Variants in HIF3A observed in about 807,000 individuals in gnomAD.
HIF3A encodes the protein hypoxia inducible factor 3 subunit alpha, also known as hypoxia-inducible factor 3-alpha.
In HIF3A, 41 loss-of-function variants were observed where a neutral mutation model predicts 67.2. The ratio of observed to expected loss-of-function variants is 0.61; its 90% CI spans 0.48 to 0.79. HIF3A has a LOEUF of 0.79. HIF3A is among the 30% of genes least tolerant of loss of function. HIF3A has a pLI of 0.00. For synonymous variants in HIF3A, 356 were observed against 374.8 expected (o/e 0.95, Z 0.58); for missense variants, 855 against 898.0 (o/e 0.95, Z 0.61).
chr19:46,300,456 T>C (rs1968225381), intron 1 of HIF3A, among the ~76,000 whole-genome samples: 1 of 152,042 alleles, frequency 6.6e-6, no homozygotes, highest in Admixed American at 6.6e-5. Flanking sequence ...AGGTCAGGAG[T>C]TCGAGACCAG....
In HIF3A at chr19:46,343,347, A is replaced by AT. The variant is rs1368165573; in HGVS notation, c.*3725_*3726insT. The AT allele has an allele frequency of 6.6e-6, 1 of 152,628 alleles. No homozygotes were observed. The highest frequency in any genetic ancestry group is 6.6e-5 in the Admixed American group (1 of 15,254). The allele number at this position is 152,628 out of a possible 1,614,324, so 9.5% of individuals were successfully genotyped here. On this transcript the variant is annotated 3_prime_UTR_variant, in exon 15 of 15. Coordinates refer to ENST00000377670, the MANE Select transcript of HIF3A (RefSeq NM_152795.4). ...TGGAGGGAATTGTGCTGGGCTAGGGAAAGGGGAGGGACTAGACTGGCCACA... is the reference window on the plus strand; with the variant it reads ...TGGAGGGAATTGTGCTGGGCTAGGGATAAGGGGAGGGACTAGACTGGCCACA...
At chr19:46,310,286 G>A (rs573942681) in intron 6 of HIF3A, among the ~76,000 whole-genome samples, 51 of 151,890 alleles carry the variant, frequency 3.4e-4, no homozygotes, top group African/African-American at 1.1e-3. Flanking sequence ...TCCCAGCTAC[G>A]CAGGAGGCTG....
intron 2 of HIF3A, 111 bp downstream of exon 2, chr19:46,304,199 C>T: frequency 1.1e-6 from 1 of 923,246 alleles, no homozygotes. Flanking sequence ...AAAGCCCCGC[C>T]CCCTGGTGTC....
chr19:46,338,671 A>C, intron 14 of HIF3A: 1 of 330,672 alleles, frequency 3.0e-6, no homozygotes, highest in Non-Finnish European at 4.4e-6. Flanking sequence ...GAGTAAATCA[A>C]GAGGGAGGTG....
At chr19:46,324,933 T>C (rs1047655496) in intron 10 of HIF3A, among the ~76,000 whole-genome samples, 5 of 138,188 alleles carry the variant, frequency 3.6e-5, no homozygotes, top group African/African-American at 5.4e-5. Flanking sequence ...TATATACACA[T>C]ATATATATAC....
At position 46,309,322 on chromosome 19, in the gene HIF3A, C is replaced by T; in HGVS notation, c.733C>T (p.His245Tyr). The T allele has an allele frequency of 6.2e-7, 1 of 1,612,864 alleles. No homozygotes were observed. The highest frequency in any genetic ancestry group is 8.5e-7 in the Non-Finnish European group (1 of 1,179,590). ...PLGRGAFLSR[H>Y]SLDMKFTYCD... ...GGGCCGAGGGGCCTTCCTCAGCCGC[C>T]ACAGCCTGGACATGAAGTTCACCTA... The change falls in exon 6 of 15, where the codon CAC (histidine) becomes TAC (tyrosine). Residue 245 changes from histidine to tyrosine, a missense_variant. Coordinates refer to ENST00000377670, the MANE Select transcript of HIF3A (RefSeq NM_152795.4).
At chr19:46,314,033 G>T (rs2311055) in intron 8 of HIF3A, among the ~76,000 whole-genome samples, 148,742 of 149,928 alleles carry the variant, frequency 0.99, 73,789 homozygotes, top group East Asian at 1. Flanking sequence ...TAGAGCACAG[G>T]TTTTTTTTTT....
intron 13 of HIF3A, among the ~76,000 whole-genome samples, chr19:46,332,541 AAAAAAT>A (rs550404458): frequency 1.8e-4 from 27 of 152,124 alleles, no homozygotes; most frequent in South Asian, 1.2e-3. Flanking sequence ...CGCTGTCTCA[AAAAAAT>A]AAAAATAAAA....
At chr19:46,336,689 T>C (rs376773194) in intron 14 of HIF3A, among the ~76,000 whole-genome samples, 12 of 144,140 alleles carry the variant, frequency 8.3e-5, no homozygotes, top group African/African-American at 3.0e-4. Flanking sequence ...ACCAGGCCCC[T>C]GTCTCTAAAC....
At chr19:46,304,265 C>T in intron 2 of HIF3A, 177 bp downstream of exon 2, 1 of 609,780 alleles carries the variant, frequency 1.6e-6, no homozygotes, top group Non-Finnish European at 2.9e-6. Context: ...GGAGGCCCCG[C>T]CCCCTTTGAG....
At chr19:46,333,451 T>C (rs1291981504) in intron 13 of HIF3A, among the ~76,000 whole-genome samples, 1 of 152,078 alleles carries the variant, frequency 6.6e-6, no homozygotes, top group Non-Finnish European at 1.5e-5. Context: ...AAACCTTCCA[T>C]GGAGGGACAC....
intron 10 of HIF3A, among the ~76,000 whole-genome samples, chr19:46,323,423 G>A (rs1024811081): frequency 5.3e-5 from 8 of 152,210 alleles, no homozygotes; most frequent in Middle Eastern, 3.4e-3. Context: ...CAGGTGAAAC[G>A]AGGGCAGAAG....
At chr19:46,308,900 C>A in intron 5 of HIF3A, 125 bp downstream of exon 5, 1 of 711,960 alleles carries the variant, frequency 1.4e-6, no homozygotes, top group South Asian at 1.9e-5. Flanking sequence ...TCACTCAGGT[C>A]AGGTCTAGCG....
intron 8 of HIF3A, among the ~76,000 whole-genome samples, chr19:46,318,210 AT>A (rs34252806): frequency 0.76 from 110,852 of 146,530 alleles, 43,589 homozygotes; most frequent in Non-Finnish European, 0.87. Context: ...GTCATTTGGA[AT>A]TTTTTTTTTT....
intron 8 of HIF3A, among the ~76,000 whole-genome samples, chr19:46,318,813 G>A (rs778067253): frequency 1.3e-5 from 2 of 151,912 alleles, no homozygotes; most frequent in Non-Finnish European, 2.9e-5. Flanking sequence ...TAGAGATGGG[G>A]TTTCACCATG....
At chr19:46,313,789 C>T (rs1250729071) in intron 8 of HIF3A, among the ~76,000 whole-genome samples, 1 of 151,192 alleles carries the variant, frequency 6.6e-6, no homozygotes, top group African/African-American at 2.4e-5. Flanking sequence ...CTTCAGCCTC[C>T]CGACTAGCTG....
At chr19:46,318,211 T>G (rs199504398) in intron 8 of HIF3A, among the ~76,000 whole-genome samples, 2 of 10,050 alleles carry the variant, frequency 2.0e-4, no homozygotes, top group East Asian at 8.3e-3. Context: ...TCATTTGGAA[T>G]TTTTTTTTTT....
intron 3 of HIF3A, among the ~76,000 whole-genome samples, chr19:46,306,063 A>G: frequency 6.6e-6 from 1 of 152,192 alleles, no homozygotes; most frequent in Middle Eastern, 3.2e-3. Flanking sequence ...TGGGTGACAG[A>G]GCAAGACCCA....
At chr19:46,306,337 G>A (rs1283705909) in intron 3 of HIF3A, 3 of 152,228 alleles carry the variant, frequency 2.0e-5, no homozygotes, top group Non-Finnish European at 4.4e-5. Context: ...TTTGGAGGGA[G>A]TGAGATCAGA....
Sources: gnomAD v4.1 joint callset for allele counts (sites outside exome capture counted in the v4.1 genomes callset) on GRCh38, gnomAD v4.1.1 for gene constraint, MANE v1.5 for transcripts, NCBI Gene and HGNC (gene_info 2026-07-23, HGNC 2026-07-21) for gene names.